The following CDH18 variants were observed in gnomAD, a reference collection of about 807,000 sequenced individuals.
CDH18 encodes the protein cadherin-18.
In CDH18, 31 loss-of-function variants were observed where a neutral mutation model predicts 67.9. The observed-to-expected ratio is 0.46, with a 90% CI of 0.34 to 0.62. The LOEUF is 0.62. Among genes scored for constraint, CDH18 ranks in the 20% least tolerant of loss-of-function variants. The pLI is 0.01. For missense variants in CDH18, 890 were observed against 975.5 expected (o/e 0.91, Z 1.17); for synonymous variants, 362 against 347.2 (o/e 1.04, Z -0.48).
chr5:19,961,342 C>T (rs968355827), intron 2 of CDH18, among the ~76,000 whole-genome samples: 5 of 151,828 alleles, frequency 3.3e-5, no homozygotes, highest in African/African-American at 7.3e-5. Flanking sequence ...CTCCTGACCT[C>T]GTGATCCACC....
intron 2 of CDH18, among the ~76,000 whole-genome samples, chr5:20,220,684 T>C (rs967455131): frequency 6.6e-6 from 1 of 151,720 alleles, no homozygotes; most frequent in African/African-American, 2.4e-5. Flanking sequence ...CAAGTGAAGA[T>C]ACAACCCACA....
At chr5:19,908,328 C>G (rs996915212) in intron 2 of CDH18, among the ~76,000 whole-genome samples, 7 of 152,114 alleles carry the variant, frequency 4.6e-5, no homozygotes, top group Non-Finnish European at 8.8e-5. Flanking sequence ...GAAATGAAAA[C>G]TTTAATCTCA....
At chr5:19,896,292 T>C (rs1579476418) in intron 2 of CDH18, among the ~76,000 whole-genome samples, 1 of 151,972 alleles carries the variant, frequency 6.6e-6, no homozygotes, top group East Asian at 1.9e-4. Flanking sequence ...GAGGTTGCAG[T>C]GAGTCGAGAA....
intron 2 of CDH18, among the ~76,000 whole-genome samples, chr5:20,006,919 C>CT (rs1736946066): frequency 6.6e-6 from 1 of 151,726 alleles, no homozygotes. Context: ...TGATACATCT[C>CT]TTTTTTAATG....
At chr5:20,164,473 A>T (rs1462545845) in intron 2 of CDH18, among the ~76,000 whole-genome samples, 1 of 152,040 alleles carries the variant, frequency 6.6e-6, no homozygotes, top group East Asian at 1.9e-4. Context: ...TATTTTTAGT[A>T]GAGACGAGTT....
At chr5:19,872,272 C>T (rs1786402697) in intron 2 of CDH18, among the ~76,000 whole-genome samples, 1 of 152,138 alleles carries the variant, frequency 6.6e-6, no homozygotes, top group Non-Finnish European at 1.5e-5. Context: ...CTAAGATAAC[C>T]TTAGGGTATG....
At chr5:20,093,305 T>G (rs1410697835) in intron 2 of CDH18, among the ~76,000 whole-genome samples, 1 of 151,910 alleles carries the variant, frequency 6.6e-6, no homozygotes, top group Non-Finnish European at 1.5e-5. Context: ...CCTCTGAAAC[T>G]TTTTATCTCC....
At chr5:19,742,407 T>TAC (rs5866397) in intron 4 of CDH18, among the ~76,000 whole-genome samples, 56,162 of 149,560 alleles carry the variant, frequency 0.38, 12,365 homozygotes, top group Middle Eastern at 0.57. Flanking sequence ...CACGCATGGG[T>TAC]ACACACACAC....
chr5:20,539,757 AAC>A (rs1554016455), intron 1 of CDH18, among the ~76,000 whole-genome samples: 49 of 51,326 alleles, frequency 9.5e-4, no homozygotes, highest in Admixed American at 1.8e-3. Flanking sequence ...CACACACACA[AAC>A]ACACACACAC....
chr5:19,955,807 G>C (rs1201593841), intron 2 of CDH18, among the ~76,000 whole-genome samples: 2 of 151,952 alleles, frequency 1.3e-5, no homozygotes, highest in Non-Finnish European at 2.9e-5. Flanking sequence ...AGGCATAACA[G>C]GTGTGAAAAC....
chr5:20,257,270 A>G (rs577556442), intron 1 of CDH18, among the ~76,000 whole-genome samples: 1 of 152,172 alleles, frequency 6.6e-6, no homozygotes, highest in Middle Eastern at 3.4e-3. Context: ...ACTGCAACCC[A>G]TGCTTACATG....
chr5:20,126,902 T>C (rs1748880145), intron 2 of CDH18, among the ~76,000 whole-genome samples: 1 of 152,206 alleles, frequency 6.6e-6, no homozygotes, highest in South Asian at 2.1e-4. Flanking sequence ...TGGAATTTTC[T>C]CTAAAAATTG....
At chr5:20,101,934 TG>T (rs1746505168) in intron 2 of CDH18, among the ~76,000 whole-genome samples, 1 of 151,976 alleles carries the variant, frequency 6.6e-6, no homozygotes, top group Admixed American at 6.6e-5. Flanking sequence ...TAACCAGGTG[TG>T]GCGGCACAGC....
At chr5:20,316,577 T>C (rs1737488707) in intron 1 of CDH18, among the ~76,000 whole-genome samples, 1 of 152,062 alleles carries the variant, frequency 6.6e-6, no homozygotes. Flanking sequence ...TTTGAATTAA[T>C]TGAAAATTAT....
At chr5:19,765,826 C>T (rs1357389946) in intron 3 of CDH18, among the ~76,000 whole-genome samples, 1 of 151,986 alleles carries the variant, frequency 6.6e-6, no homozygotes, top group East Asian at 1.9e-4. Context: ...TGCTGCTGTG[C>T]ACAAATTCTT....
intron 2 of CDH18, among the ~76,000 whole-genome samples, chr5:20,119,649 C>A (rs562828778): frequency 2.8e-4 from 43 of 152,290 alleles, no homozygotes; most frequent in African/African-American, 1.0e-3. Context: ...CAGTAAGCCA[C>A]AGTGTGCACA....
At chr5:19,659,345 A>G (rs1756853738) in intron 5 of CDH18, among the ~76,000 whole-genome samples, 1 of 152,144 alleles carries the variant, frequency 6.6e-6, no homozygotes, top group Admixed American at 6.6e-5. Flanking sequence ...ATTAATGTCA[A>G]ATGATTATCA....
chr5:19,666,237 TTTA>T (rs70950082), intron 5 of CDH18, among the ~76,000 whole-genome samples: 24,037 of 127,816 alleles, frequency 0.19, 2,158 homozygotes, highest in South Asian at 0.2. Context: ...CTGTATGATT[TTTA>T]TTATTATTAT....
chr5:19,913,458 AT>A (rs1458271340), intron 2 of CDH18, among the ~76,000 whole-genome samples: 5 of 152,152 alleles, frequency 3.3e-5, no homozygotes, highest in Non-Finnish European at 7.4e-5. Flanking sequence ...AAGGTTGTAA[AT>A]TTTCAGTTCA....
Sources: allele counts gnomAD v4.1 joint callset (sites outside exome capture counted in the v4.1 genomes callset), GRCh38; gene constraint gnomAD v4.1.1; transcripts MANE v1.5; gene names NCBI Gene and HGNC (gene_info 2026-07-23, HGNC 2026-07-21).